The following MAD1L1 variants were observed in gnomAD, a reference collection of about 807,000 sequenced individuals.
MAD1L1 encodes mitotic spindle assembly checkpoint protein MAD1.
Under a neutral mutation model 96.9 loss-of-function variants are expected in MAD1L1, and 95 were observed. The observed-to-expected ratio is 0.98, with a 90% CI of 0.83 to 1.16. The LOEUF is 1.16. MAD1L1 is among the 50% of genes most tolerant of loss of function. MAD1L1 has a pLI of 0.00. For synonymous variants in MAD1L1, 473 were observed against 396.6 expected (o/e 1.19, Z -2.29); for missense variants, 1,007 against 954.4 (o/e 1.06, Z -0.73).
chr7:1,938,893 C>A (rs1778772964), intron 16 of MAD1L1, among the ~76,000 whole-genome samples: 1 of 98,642 alleles, frequency 1.0e-5, no homozygotes. Flanking sequence ...AGGGCCGGGG[C>A]CAGAGGCGCG....
chr7:2,042,995 C>T (rs1039856679), intron 12 of MAD1L1, among the ~76,000 whole-genome samples: 5 of 152,178 alleles, frequency 3.3e-5, no homozygotes, highest in Non-Finnish European at 5.9e-5. Flanking sequence ...AAGTCACCTT[C>T]GCCAAGAAGG....
intron 12 of MAD1L1, among the ~76,000 whole-genome samples, chr7:2,043,577 G>T (rs192845967): frequency 6.6e-6 from 1 of 152,220 alleles, no homozygotes; most frequent in African/African-American, 2.4e-5. Flanking sequence ...CTACAAGGAC[G>T]CTGGGTCATG....
At chr7:1,867,222 A>C (rs986024339) in intron 18 of MAD1L1, among the ~76,000 whole-genome samples, 4 of 152,214 alleles carry the variant, frequency 2.6e-5, no homozygotes, top group Non-Finnish European at 5.9e-5. Flanking sequence ...ACCACATGCC[A>C]GGGACACACA....
intron 17 of MAD1L1, among the ~76,000 whole-genome samples, chr7:1,898,945 A>G (rs60317449): frequency 0.058 from 8,768 of 152,022 alleles, 588 homozygotes; most frequent in African/African-American, 0.16. Flanking sequence ...CTGGACGCCT[A>G]CCCCACAGGA....
intron 10 of MAD1L1, among the ~76,000 whole-genome samples, chr7:2,160,860 C>G (rs1202591089): frequency 6.6e-6 from 1 of 152,040 alleles, no homozygotes; most frequent in Non-Finnish European, 1.5e-5. Context: ...ATTTTCAAAG[C>G]CTAGTATTGC....
chr7:1,878,952 T>C (rs1364301541), intron 18 of MAD1L1, among the ~76,000 whole-genome samples: 2 of 152,174 alleles, frequency 1.3e-5, no homozygotes, highest in Non-Finnish European at 2.9e-5. Context: ...GAGACCAATA[T>C]ATAAAAGTCA....
Position 2,219,427 on chromosome 7 carries a change from C to G in MAD1L1, c.501G>C (p.Ser167=), listed in dbSNP as rs752160631. 1.5e-5 allele frequency: 24 copies of G among 1,613,648 alleles called. No homozygotes were observed. The highest frequency in any genetic ancestry group is 1.9e-5 in the Non-Finnish European group (23 of 1,179,854). ...GGTCCATCACGCTCCACTGCAGTTC[C>G]GAGATCCTCCCCTTCAGTGCGTTGA... ...ETINALKGRI[S]ELQWSVMDQE... is the part of the protein sequence containing the mutation. Residue 167 remains serine, a synonymous_variant, in exon 6 of 19, where the codon TCG becomes TCC. Transcript: ENST00000265854.
chr7:1,890,000 G>T (rs999647782), intron 18 of MAD1L1, among the ~76,000 whole-genome samples: 3 of 152,140 alleles, frequency 2.0e-5, no homozygotes, highest in African/African-American at 7.2e-5. Flanking sequence ...GCAGCTGGGA[G>T]GTGGAGCTGC....
intron 10 of MAD1L1, among the ~76,000 whole-genome samples, chr7:2,162,315 T>A (rs1319943835): frequency 6.6e-6 from 1 of 152,162 alleles, no homozygotes. Flanking sequence ...CTGAAACATG[T>A]GCTGTGTCCA....
intron 18 of MAD1L1, among the ~76,000 whole-genome samples, chr7:1,885,432 G>C (rs939086038): frequency 2.6e-5 from 4 of 152,250 alleles, no homozygotes; most frequent in Admixed American, 2.0e-4. Flanking sequence ...GTGAGCACCA[G>C]GCAGAGGCCA....
intron 18 of MAD1L1, among the ~76,000 whole-genome samples, chr7:1,870,777 A>G (rs1314332309): frequency 7.8e-6 from 1 of 128,278 alleles, no homozygotes; most frequent in African/African-American, 3.1e-5. Flanking sequence ...AACCGACCAT[A>G]ACACCTGCCA....
At chr7:1,962,507 G>A (rs367724524) in intron 15 of MAD1L1, among the ~76,000 whole-genome samples, 15 of 152,262 alleles carry the variant, frequency 9.9e-5, no homozygotes, top group East Asian at 1.9e-4. Flanking sequence ...ATGAAAGAAC[G>A]AAAAGACAAG....
At chr7:1,841,749 G>C (rs1202306172) in intron 18 of MAD1L1, among the ~76,000 whole-genome samples, 1 of 152,250 alleles carries the variant, frequency 6.6e-6, no homozygotes, top group South Asian at 2.1e-4. Flanking sequence ...TCACTCTGCT[G>C]TCCCCGTCCT....
chr7:2,210,808 C>T (rs1028797624), intron 10 of MAD1L1, among the ~76,000 whole-genome samples: 1 of 152,256 alleles, frequency 6.6e-6, no homozygotes, highest in African/African-American at 2.4e-5. Flanking sequence ...GGTCGACCCC[C>T]ACAGCGAGGA....
intron 14 of MAD1L1, among the ~76,000 whole-genome samples, chr7:1,994,041 C>T (rs528787176): frequency 6.6e-6 from 1 of 152,366 alleles, no homozygotes; most frequent in South Asian, 2.1e-4. Flanking sequence ...TCCACCACTG[C>T]CGGTGCCAAC....
In MAD1L1 at chr7:2,015,090, G is replaced by A. The variant is rs986307515; in HGVS notation, c.1219-448C>T. 2.0e-5 allele frequency among the ~76,000 whole-genome samples: 3 copies of A among 152,358 alleles called. No homozygotes were observed. In the South Asian group the frequency reaches 6.2e-4, roughly 32 times the overall value. ...GAGTCCCAGTCACACTGGGCCCAGG[G>A]AAACGACAGTGGGCAGGCCCAGAGC... On this transcript the variant is annotated intron_variant, in intron 12 of 18. Transcript: ENST00000265854.
At chr7:2,147,770 T>C (rs1329021451) in intron 11 of MAD1L1, among the ~76,000 whole-genome samples, 2 of 152,194 alleles carry the variant, frequency 1.3e-5, no homozygotes, top group African/African-American at 2.4e-5. Flanking sequence ...AATCCCCCCA[T>C]GGGCTCAATC....
chr7:2,052,900 ATG>A (rs1210370845), intron 12 of MAD1L1, among the ~76,000 whole-genome samples: 6 of 151,736 alleles, frequency 4.0e-5, no homozygotes, highest in Non-Finnish European at 8.9e-5. Flanking sequence ...ATAGGAAGCC[ATG>A]TGTCCCCAGC....
intron 12 of MAD1L1, among the ~76,000 whole-genome samples, chr7:2,048,008 C>T (rs1784006198): frequency 1.3e-5 from 2 of 152,316 alleles, no homozygotes; most frequent in African/African-American, 4.8e-5. Context: ...GCACAACATA[C>T]ATGCGCACAC....
Sources: allele counts gnomAD v4.1 joint callset (sites outside exome capture counted in the v4.1 genomes callset), GRCh38; gene constraint gnomAD v4.1.1; transcripts MANE v1.5; gene names NCBI Gene and HGNC (gene_info 2026-07-23, HGNC 2026-07-21).